Variants in ZNF503 observed in about 807,000 individuals in gnomAD.
ZNF503 encodes the protein NocA-like zinc finger 2.
Under a neutral mutation model 34.4 loss-of-function variants are expected in ZNF503, and 15 were observed. The ratio of observed to expected loss-of-function variants is 0.44; its 90% CI spans 0.29 to 0.67. The LOEUF is 0.67. Ranked by LOEUF, ZNF503 falls within the 30% of genes least tolerant of loss-of-function variation. The pLI, the probability that ZNF503 is intolerant of heterozygous loss-of-function variation, is 0.13. For missense variants in ZNF503, 1,007 were observed against 926.8 expected, an observed-to-expected ratio of 1.09 and a Z score of -1.12; for synonymous variants, 580 against 456.8, an observed-to-expected ratio of 1.27 and a Z score of -3.44.
chr10:75,329,039 G>A, the ZNF503 span, among the ~76,000 whole-genome samples: 1 of 152,142 alleles, frequency 6.6e-6, no homozygotes, highest in Non-Finnish European at 1.5e-5. Context: ...GAGCCACCGT[G>A]CTCGGCCTGT....
chr10:75,296,199 C>A, the ZNF503 span, among the ~76,000 whole-genome samples: 6 of 152,224 alleles, frequency 3.9e-5, no homozygotes, highest in Admixed American at 1.3e-4. Flanking sequence ...AGAGGGGTCC[C>A]TGTCTCAGCA....
chr10:75,376,316 G>T, the ZNF503 span, among the ~76,000 whole-genome samples: 1 of 152,102 alleles, frequency 6.6e-6, no homozygotes, highest in African/African-American at 2.4e-5. Flanking sequence ...CTCTGGCTTA[G>T]GTGTCATATT....
the ZNF503 span, chr10:75,359,105 A>G: frequency 1.3e-5 from 2 of 152,248 alleles, no homozygotes; most frequent in African/African-American, 2.4e-5. Context: ...ACCCTAGCTC[A>G]TAAATCCTGC....
At chr10:75,295,041 C>T in the ZNF503 span, among the ~76,000 whole-genome samples, 1 of 152,104 alleles carries the variant, frequency 6.6e-6, no homozygotes, top group African/African-American at 2.4e-5. This position sits in a 1 kb window ranked among gnomAD's most constrained non-coding sequence, Gnocchi z 4.0. Context: ...GGCAAATGCT[C>T]AGCTTCAGCC....
Position 75,399,344 on chromosome 10 carries a change from G to C in ZNF503, c.1346C>G (p.Ala449Gly). The change falls in exon 2 of 2, where the codon GCT (alanine) becomes GGT (glycine). Residue 449 changes from alanine to glycine, a missense_variant. Physicochemically the swap from Ala to Gly is moderately conservative, Grantham distance 60 (BLOSUM62 0). Coordinates refer to ENST00000372524, the MANE Select transcript of ZNF503 (RefSeq NM_032772.6). ...SHLAGAAAAS[A>G]SCAHDPAAAA... ...AGCAGCCGGATCATGTGCGCAAGAAGCGCTGGCGGCCGCCGCCCCTGCCAG... is the reference window on the plus strand; with the variant it reads ...AGCAGCCGGATCATGTGCGCAAGAACCGCTGGCGGCCGCCGCCCCTGCCAG... 1 of 1,604,872 alleles carries C rather than the reference G, an allele frequency of 6.2e-7. No homozygotes were observed. Among genetic ancestry groups the C allele is most frequent in the Non-Finnish European group, 8.5e-7 (1 of 1,177,758 alleles).
At chr10:75,356,922 A>G in the ZNF503 span, among the ~76,000 whole-genome samples, 5 of 152,260 alleles carry the variant, frequency 3.3e-5, no homozygotes, top group East Asian at 3.9e-4. Context: ...AACAGTTTCT[A>G]TTTATTGAAG....
the ZNF503 span, among the ~76,000 whole-genome samples, chr10:75,295,365 G>C: frequency 4.6e-5 from 7 of 152,190 alleles, no homozygotes; most frequent in South Asian, 2.1e-4. This position sits in a 1 kb window ranked among gnomAD's most constrained non-coding sequence, Gnocchi z 4.0. Flanking sequence ...GAGGTTGAGG[G>C]GGGGAAAAGC....
At chr10:75,339,320 A>T in the ZNF503 span, among the ~76,000 whole-genome samples, 1 of 152,018 alleles carries the variant, frequency 6.6e-6, no homozygotes, top group Non-Finnish European at 1.5e-5. Context: ...TCTCATGTAT[A>T]AAAAAAAGGA....
At chr10:75,393,801 A>G (rs954774244), downstream of ZNF503, among the ~76,000 whole-genome samples, 1 of 152,202 alleles carries the variant, frequency 6.6e-6, no homozygotes, top group African/African-American at 2.4e-5. Context: ...AGAGGTTGCA[A>G]TGAGCTGAGA....
At chr10:75,385,985 C>G in the ZNF503 span, among the ~76,000 whole-genome samples, 1 of 152,166 alleles carries the variant, frequency 6.6e-6, no homozygotes, top group African/African-American at 2.4e-5. Context: ...GAAACTCAAG[C>G]CATACAAAAG....
At chr10:75,366,599 T>C in the ZNF503 span, among the ~76,000 whole-genome samples, 15 of 152,196 alleles carry the variant, frequency 9.9e-5, no homozygotes, top group African/African-American at 3.4e-4. Context: ...GGGGAAATTG[T>C]AGGATGTTTG....
chr10:75,387,889 C>T, the ZNF503 span, among the ~76,000 whole-genome samples: 1 of 152,158 alleles, frequency 6.6e-6, no homozygotes, highest in Non-Finnish European at 1.5e-5. Context: ...TTCCAGGCAG[C>T]CGAGGGCTCT....
chr10:75,390,455 CCTT>C, the ZNF503 span, among the ~76,000 whole-genome samples: 239 of 150,968 alleles, frequency 1.6e-3, 1 homozygote, highest in African/African-American at 5.5e-3. Flanking sequence ...CCCTCTTCCT[CCTT>C]CTTCTCATCC....
rs1300484304 is a variant in ZNF503, at chr10:75,400,303, C to T, written c.387G>A (p.Ser129=). 3 of 1,612,950 alleles carry T rather than the reference C, an allele frequency of 1.9e-6. No individual in the cohort carries two copies. The highest frequency in any genetic ancestry group is 2.5e-6 in the Non-Finnish European group (3 of 1,179,654). ...CAACCGAGGAGAGTTTGGAGGAGGG[C>T]GAGGGGTCGGGCTTCCCGATCTGCG... ...TCSQIGKPDP[S]PSSKLSSVAS... Residue 129 remains serine, a synonymous_variant, in exon 2 of 2, where the codon TCG becomes TCA. Coordinates refer to ENST00000372524, the MANE Select transcript of ZNF503 (RefSeq NM_032772.6).
the ZNF503 span, among the ~76,000 whole-genome samples, chr10:75,364,741 A>G: frequency 6.6e-6 from 1 of 152,224 alleles, no homozygotes; most frequent in Non-Finnish European, 1.5e-5. Flanking sequence ...ATTGAAAAAC[A>G]AGTAAACCAT....
the ZNF503 span, among the ~76,000 whole-genome samples, chr10:75,339,135 A>G: frequency 6.6e-6 from 1 of 152,120 alleles, no homozygotes; most frequent in Non-Finnish European, 1.5e-5. Flanking sequence ...AGAGGCTGAG[A>G]CAGGAGAATT....
the ZNF503 span, among the ~76,000 whole-genome samples, chr10:75,379,438 T>TG: frequency 6.6e-6 from 1 of 152,238 alleles, no homozygotes; most frequent in Non-Finnish European, 1.5e-5. Context: ...CTGATTAAAT[T>TG]GTAAGGCCTT....
At chr10:75,377,041 C>T in the ZNF503 span, among the ~76,000 whole-genome samples, 1 of 152,210 alleles carries the variant, frequency 6.6e-6, no homozygotes, top group Non-Finnish European at 1.5e-5. Flanking sequence ...TCAGCATCAC[C>T]TGGGTGCTTG....
At chr10:75,386,352 C>T in the ZNF503 span, among the ~76,000 whole-genome samples, 2 of 152,212 alleles carry the variant, frequency 1.3e-5, no homozygotes, top group African/African-American at 2.4e-5. Flanking sequence ...AGCAGAGTAG[C>T]CACAGAGACC....
Sources: gnomAD v4.1 joint callset for allele counts (sites outside exome capture counted in the v4.1 genomes callset) on GRCh38, gnomAD v4.1.1 for gene constraint, Gnocchi (gnomAD v3.1) non-coding constraint, MANE v1.5 for transcripts, NCBI Gene and HGNC (gene_info 2026-07-23, HGNC 2026-07-21) for gene names.